RCBTB1: variants seen among roughly 807,000 people sequenced by gnomAD.
RCBTB1 encodes the protein RCC1 and BTB domain containing protein 1.
Under a neutral mutation model 62.4 loss-of-function variants are expected in RCBTB1, and 46 were observed. The ratio of observed to expected loss-of-function variants is 0.74; its 90% CI spans 0.58 to 0.94. RCBTB1 has a LOEUF of 0.94. RCBTB1 is among the 40% of genes least tolerant of loss of function. The pLI is 0.00. For missense variants in RCBTB1, 565 were observed against 654.9 expected (o/e 0.86, Z 1.50); for synonymous variants, 222 against 245.8 (o/e 0.90, Z 0.91).
intron 4 of RCBTB1, among the ~76,000 whole-genome samples, chr13:49,564,252 C>T (rs1470189722): frequency 1.3e-5 from 2 of 152,084 alleles, no homozygotes; most frequent in Non-Finnish European, 1.5e-5. Context: ...AAGATGCAAG[C>T]AATGCACAAA....
In RCBTB1 at chr13:49,534,144, T is replaced by A; in HGVS notation, c.1574A>T (p.Lys525Ile). ...LLKEFIAKAS[K>I]CGAFKN ...GCTTCAGTTCTTAAAGGCTCCACAT[T>A]TACTGGCTTTAGCAATGAATTCCTT... Residue 525 changes from lysine (K) to isoleucine (I), a missense_variant, in exon 13 of 13, where the codon AAA (lysine) becomes ATA (isoleucine). Coordinates refer to ENST00000378302, the MANE Select transcript of RCBTB1 (RefSeq NM_018191.4). 6.2e-7 allele frequency: 1 copy of A among 1,614,052 alleles called. No individual in the cohort carries two copies. Among genetic ancestry groups the A allele is most frequent in the Non-Finnish European group, 8.5e-7 (1 of 1,179,992 alleles).
At chr13:49,583,067 C>T (rs1445984711) in intron 1 of RCBTB1, among the ~76,000 whole-genome samples, 2 of 152,048 alleles carry the variant, frequency 1.3e-5, no homozygotes, top group African/African-American at 4.8e-5. Flanking sequence ...GTCCCAGCTA[C>T]TTGGGAGTGG....
chr13:49,562,514 C>CAA (rs55875979), intron 4 of RCBTB1, among the ~76,000 whole-genome samples: 3 of 115,332 alleles, frequency 2.6e-5, no homozygotes, highest in African/African-American at 6.2e-5. Context: ...GACCCTGTCT[C>CAA]AAAAAAAAAA....
At chr13:49,542,681 C>T (rs1960478521) in intron 10 of RCBTB1, among the ~76,000 whole-genome samples, 1 of 150,608 alleles carries the variant, frequency 6.6e-6, no homozygotes, top group South Asian at 2.1e-4. Context: ...TCTTTTCTGA[C>T]TTATCGTCAA....
intron 5 of RCBTB1, among the ~76,000 whole-genome samples, chr13:49,558,610 C>G (rs1156596977): frequency 6.8e-6 from 1 of 147,646 alleles, no homozygotes. Flanking sequence ...AGGAGAATCA[C>G]TTGTACCCAG....
chr13:49,551,443 A>T lies in RCBTB1; in HGVS notation c.737T>A (p.Leu246Gln). Residue 246 changes from leucine to glutamine, a missense_variant, in exon 8 of 13, where the codon CTA (leucine) becomes CAA (glutamine). Coordinates refer to ENST00000378302, the MANE Select transcript of RCBTB1 (RefSeq NM_018191.4). ...CAGCAAGCCCTCATCTGTTAGTGCT[A>T]GAGTATGTGCGTAACCGCAGACAAT... is the stretch of plus-strand genomic sequence containing the variant. Reference protein sequence around the residue: ...NQIVCGYAHTLALTDEGLLYA... With the variant: ...NQIVCGYAHTQALTDEGLLYA... 6.2e-7 allele frequency: 1 copy of T among 1,614,228 alleles called. No homozygotes were observed. The highest frequency in any genetic ancestry group is 8.5e-7 in the Non-Finnish European group (1 of 1,180,042).
intron 12 of RCBTB1, 146 bp from the exon 13 acceptor site, chr13:49,534,408 A>G: frequency 1.4e-6 from 1 of 710,838 alleles, no homozygotes; most frequent in Admixed American, 2.9e-5. Context: ...CTAGGCAAAA[A>G]GGTGACCACA....
chr13:49,540,732 C>A, intron 12 of RCBTB1, 144 bp downstream of exon 12: 1 of 785,386 alleles, frequency 1.3e-6, no homozygotes, highest in Non-Finnish European at 1.9e-6. Context: ...GAAGCAAGGG[C>A]AGATTTCAGT....
chr13:49,556,328 C>T (rs1416181516), intron 5 of RCBTB1, among the ~76,000 whole-genome samples: 1 of 151,726 alleles, frequency 6.6e-6, no homozygotes, highest in Non-Finnish European at 1.5e-5. Context: ...GTAGCTGGGA[C>T]GACAGGCGCC....
chr13:49,541,666 A>G lies in RCBTB1; in HGVS notation c.1324+10T>C. 1 of 1,600,464 alleles carries G rather than the reference A, an allele frequency of 6.2e-7. No homozygotes were observed. Among genetic ancestry groups the G allele is most frequent in the Non-Finnish European group, 8.5e-7 (1 of 1,175,406 alleles). On this transcript the variant is annotated intron_variant, in intron 11 of 12. Transcript: ENST00000378302. Reference sequence around the variant, plus strand: ...CATGCGGCTCGTCCATCCCAATGCTACCACAGTACCTATAGCATCTTCTGG... The same window carrying G: ...CATGCGGCTCGTCCATCCCAATGCTGCCACAGTACCTATAGCATCTTCTGG...
At position 49,549,633 on chromosome 13, in the gene RCBTB1, T is replaced by C. The variant is rs745612793; in HGVS notation, c.870A>G (p.Ala290=). The C allele has an allele frequency of 3.7e-6, 6 of 1,611,226 alleles. No individual in the cohort carries two copies. Among genetic ancestry groups the C allele is most frequent in the Non-Finnish European group, 5.1e-6 (6 of 1,178,248 alleles). The change falls in exon 9 of 13, where the codon GCA becomes GCG. Residue 290 remains alanine (A), a synonymous_variant. Coordinates refer to ENST00000378302, the MANE Select transcript of RCBTB1 (RefSeq NM_018191.4). ...CAGACGTGTGGGCAGAGTGACAGGC[T>C]GCAATCTCTACCACCCTGAAAAGTT... The part of the protein sequence containing the change: ...MVEKERVVEI[A]ACHSAHTSAA...
At position 49,533,271 on chromosome 13, in the gene RCBTB1, A is replaced by C. The variant is rs952635516; in HGVS notation, c.*851T>G. On this transcript the variant is annotated 3_prime_UTR_variant, in exon 13 of 13. Transcript: ENST00000378302. ...CTATACATGTCATTATTTTCCTCTT[A>C]AGTTTGCATTTATAGAAGAAGGTGG... 6.6e-6 allele frequency: 1 copy of C among 152,184 alleles called. No homozygotes were observed. Among genetic ancestry groups the C allele is most frequent in the African/African-American group, 2.4e-5 (1 of 41,448 alleles). The allele number at this position is 152,184 out of a possible 1,614,324, so 9.4% of individuals were successfully genotyped here. A position where few individuals can be genotyped will look rare whatever the true frequency, so the allele number is the denominator to read the frequency against.
intron 1 of RCBTB1, among the ~76,000 whole-genome samples, chr13:49,582,311 AC>A (rs1964150709): frequency 6.6e-6 from 1 of 152,084 alleles, no homozygotes; most frequent in Admixed American, 6.5e-5. Flanking sequence ...ACATGGTGAA[AC>A]CCCATCTCTA....
At chr13:49,559,153 T>C (rs1315862688) in intron 5 of RCBTB1, among the ~76,000 whole-genome samples, 1 of 152,206 alleles carries the variant, frequency 6.6e-6, no homozygotes, top group Non-Finnish European at 1.5e-5. Context: ...CAAGAATCTA[T>C]CAATGACATT....
chr13:49,540,915 G>A lies in RCBTB1; in HGVS notation c.1416C>T (p.Ala472=). ...IIKRGITVEN[A]FSLFSAAVRY... ...TGACTGCAGCAGAGAATAGCGAAAA[G>A]GCATTCTCCACAGTAATTCCTCTCT... The change falls in exon 12 of 13, where the codon GCC becomes GCT. Residue 472 remains alanine (A), a synonymous_variant. Coordinates refer to ENST00000378302, the MANE Select transcript of RCBTB1 (RefSeq NM_018191.4). The A allele has an allele frequency of 1.2e-6, 2 of 1,613,970 alleles. No homozygotes were observed. Among genetic ancestry groups the A allele is most frequent in the Non-Finnish European group, 1.7e-6 (2 of 1,180,000 alleles).
At chr13:49,546,071 T>C in intron 9 of RCBTB1, 1 of 985,158 alleles carries the variant, frequency 1.0e-6, no homozygotes, top group Non-Finnish European at 1.2e-6. Context: ...CCTGGATCAC[T>C]GGTGGGTAAA....
rs1204683152 is a variant in RCBTB1 at position 49,534,298 on chromosome 13, T to C, written c.1456-36A>G. 1.9e-6 allele frequency: 3 copies of C among 1,598,114 alleles called. No individual in the cohort carries two copies. The South Asian group carries it at 3.3e-5, about 18-fold the overall frequency. On this transcript the variant is annotated intron_variant, in intron 12 of 12. Transcript: ENST00000378302. ...AACAAAAATAAAAACAAAAATGGCT[T>C]TTTTAGGCAACTTTGATTGAATTAC... is the stretch of plus-strand genomic sequence containing the variant.
At chr13:49,563,484 G>C (rs1962636974) in intron 4 of RCBTB1, among the ~76,000 whole-genome samples, 1 of 151,226 alleles carries the variant, frequency 6.6e-6, no homozygotes, top group Admixed American at 6.6e-5. Context: ...TCAACATGGA[G>C]AAACCCTGTC....
chr13:49,580,274 T>C (rs1490715255), intron 2 of RCBTB1, among the ~76,000 whole-genome samples: 1 of 152,062 alleles, frequency 6.6e-6, no homozygotes, highest in Non-Finnish European at 1.5e-5. Context: ...AAACCAATGA[T>C]GGGTCAAAGT....
Sources: gnomAD v4.1 joint callset for allele counts (sites outside exome capture counted in the v4.1 genomes callset) on GRCh38, gnomAD v4.1.1 for gene constraint, MANE v1.5 for transcripts, NCBI Gene and HGNC (gene_info 2026-07-23, HGNC 2026-07-21) for gene names.